The following RBM20 variants were observed in gnomAD, a reference collection of about 807,000 sequenced individuals.
RBM20 encodes RNA-binding protein 20.
A neutral mutation model predicts 110.1 loss-of-function variants in RBM20; 51 were observed. That is an observed-to-expected ratio of 0.46 (90% CI 0.37 to 0.59). The LOEUF is 0.59. RBM20 is among the 20% of genes least tolerant of loss of function. RBM20 has a pLI of 0.00. For synonymous variants in RBM20, 589 were observed against 618.2 expected, an observed-to-expected ratio of 0.95 and a Z score of 0.70; for missense variants, 1,512 against 1,574.9, an observed-to-expected ratio of 0.96 and a Z score of 0.68.
chr10:110,730,920 C>G (rs775509298), intron 1 of RBM20, among the ~76,000 whole-genome samples: 6 of 152,226 alleles, frequency 3.9e-5, no homozygotes, highest in Non-Finnish European at 5.9e-5. Flanking sequence ...AGCCGCCCCC[C>G]ATCCTGCTTA....
chr10:110,820,093 G>A lies in RBM20; in HGVS notation c.2572G>A (p.Gly858Ser), dbSNP rs1361625543. 3 of 1,550,648 alleles carry A rather than the reference G, an allele frequency of 1.9e-6. No homozygotes were observed. The highest frequency in any genetic ancestry group is 2.7e-5 in the African/African-American group (2 of 73,000). ...TAAGGCTGGAAAAGAGGAACAGGAGGGCATGGAAGAAAGCCCTCAATCAGT... is the reference window on the plus strand; with the variant it reads ...TAAGGCTGGAAAAGAGGAACAGGAGAGCATGGAAGAAAGCCCTCAATCAGT... ...ENEAGKEEQE[G>S]MEESPQSVGR... is the part of the protein sequence containing the mutation. Residue 858 changes from glycine to serine, a missense_variant, in exon 10 of 14, where the codon GGC becomes AGC. This residue lies in a region of RBM20 where 1,149 missense variants were observed against 1,169.4 expected (regional missense o/e 0.98). Transcript: ENST00000369519.
chr10:110,683,958 G>C (rs113928261), intron 1 of RBM20, among the ~76,000 whole-genome samples: 20 of 152,302 alleles, frequency 1.3e-4, no homozygotes, highest in African/African-American at 4.8e-4. Context: ...CTGTGACTAA[G>C]AACAGAGTTG....
Position 110,821,325 on chromosome 10 carries a change from C to T in RBM20, c.2706C>T (p.Pro902=). Residue 902 remains proline (P), a synonymous_variant, in exon 11 of 14, where the codon CCC becomes CCT. Transcript: ENST00000369519. ...AGGCAGAGGGGGAGAGCTGGTATCC[C>T]ACTAACATGGAGGAGCTGGTGACAG... ...ESEAEGESWY[P]TNMEELVTVD... 6.4e-7 allele frequency: 1 copy of T among 1,551,694 alleles called. No homozygotes were observed. The highest frequency in any genetic ancestry group is 8.7e-7 in the Non-Finnish European group (1 of 1,146,974).
At chr10:110,644,085 G>C (rs1032311500), upstream of RBM20, among the ~76,000 whole-genome samples, 41 of 152,300 alleles carry the variant, frequency 2.7e-4, no homozygotes, top group Middle Eastern at 6.8e-3. The surrounding 1 kb of genome is among the most constrained non-coding windows in gnomAD (Gnocchi z 4.3). Flanking sequence ...GCTGGGCTAC[G>C]GACCCTGAGG....
In RBM20 at chr10:110,831,194, C is replaced by T; in HGVS notation, c.3573+12C>T. On this transcript the variant is annotated intron_variant, in intron 13 of 13. Coordinates refer to ENST00000369519, the MANE Select transcript of RBM20 (RefSeq NM_001134363.3). The stretch of plus-strand genomic sequence containing the variant: ...ACAGGAACTTACAGGTAAAAATCCA[C>T]TCTCCTTGCCCAGCATGCCAGGGGC... 3.9e-6 allele frequency: 6 copies of T among 1,550,312 alleles called. No individual in the cohort carries two copies. The highest frequency in any genetic ancestry group is 5.2e-6 in the Non-Finnish European group (6 of 1,145,928).
chr10:110,737,918 C>T (rs1843688715), intron 1 of RBM20, among the ~76,000 whole-genome samples: 1 of 152,098 alleles, frequency 6.6e-6, no homozygotes, highest in South Asian at 2.1e-4. Context: ...CAGGTATACA[C>T]CTGGGGTGGA....
intron 7 of RBM20, among the ~76,000 whole-genome samples, chr10:110,803,794 T>C (rs769917211): frequency 7.8e-6 from 1 of 127,612 alleles, no homozygotes; most frequent in Non-Finnish European, 1.6e-5. Flanking sequence ...TCATCTCCAT[T>C]AAGCCTGTTG....
chr10:110,723,167 G>A (rs935060204), intron 1 of RBM20, among the ~76,000 whole-genome samples: 3 of 151,440 alleles, frequency 2.0e-5, no homozygotes, highest in Admixed American at 2.0e-4. Flanking sequence ...GGTGGGTACT[G>A]TTTTGTTAAT....
chr10:110,679,506 C>T (rs1383952834), intron 1 of RBM20, among the ~76,000 whole-genome samples: 1 of 152,216 alleles, frequency 6.6e-6, no homozygotes, highest in Non-Finnish European at 1.5e-5. Flanking sequence ...GAGGCATGAG[C>T]CACCGTGCCC....
At position 110,752,982 on chromosome 10, in the gene RBM20, A is replaced by T. The variant is rs373296911; in HGVS notation, c.192-27819A>T. 3.7e-5 allele frequency among the ~76,000 whole-genome samples: 5 copies of T among 136,620 alleles called. No individual in the cohort carries two copies. The East Asian group carries it at 8.0e-4, about 22-fold the overall frequency. The allele number at this position is 136,620 out of a possible 152,430, so 89.6% of individuals were successfully genotyped here. ...TTTATGAAGTCTCCCTCTGTTGCCC[A>T]GGCTGGAGTGCAGCAGTGAGATCTC... On this transcript the variant is annotated intron_variant, in intron 1 of 13. Transcript: ENST00000369519.
intron 12 of RBM20, 78 bp from the exon 13 acceptor site, chr10:110,830,983 C>T (rs1340680054): frequency 7.0e-7 from 1 of 1,419,222 alleles, no homozygotes; most frequent in Non-Finnish European, 9.5e-7. Flanking sequence ...CCCATTTCTA[C>T]CTGATGGCTG....
chr10:110,801,430 A>G (rs1743024620), intron 7 of RBM20, among the ~76,000 whole-genome samples: 1 of 134,706 alleles, frequency 7.4e-6, no homozygotes, highest in African/African-American at 2.6e-5. Flanking sequence ...TCCGTCTCAA[A>G]AAAAAAAAAA....
At chr10:110,775,585 C>T (rs893961378) in intron 1 of RBM20, among the ~76,000 whole-genome samples, 2 of 152,212 alleles carry the variant, frequency 1.3e-5, no homozygotes, top group African/African-American at 4.8e-5. Context: ...CCCATGCCTG[C>T]TGCCTCCTCT....
chr10:110,785,294 T>C (rs901249356), intron 5 of RBM20, among the ~76,000 whole-genome samples: 2 of 152,162 alleles, frequency 1.3e-5, no homozygotes, highest in African/African-American at 4.8e-5. Flanking sequence ...CTGGTACCCT[T>C]CAATTTTCCA....
At chr10:110,650,006 C>T (rs751018890) in intron 1 of RBM20, among the ~76,000 whole-genome samples, 10 of 152,132 alleles carry the variant, frequency 6.6e-5, no homozygotes, top group Non-Finnish European at 1.2e-4. Context: ...TGTTGGTGAG[C>T]TGATAGTTTG....
intron 9 of RBM20, among the ~76,000 whole-genome samples, chr10:110,818,015 C>T (rs1053905921): frequency 1.3e-5 from 2 of 152,072 alleles, no homozygotes; most frequent in African/African-American, 2.4e-5. Flanking sequence ...CACAGTGGCT[C>T]ACGCCTGTAA....
chr10:110,669,506 A>C (rs1862229577), intron 1 of RBM20, among the ~76,000 whole-genome samples: 2 of 152,366 alleles, frequency 1.3e-5, no homozygotes, highest in South Asian at 4.1e-4. Context: ...GCCTTTCAAC[A>C]AAACTTTGGA....
chr10:110,829,601 G>A (rs1000275358), intron 12 of RBM20, among the ~76,000 whole-genome samples: 1 of 152,166 alleles, frequency 6.6e-6, no homozygotes, highest in Non-Finnish European at 1.5e-5. Flanking sequence ...ACACTGATAA[G>A]TGGCTATTTT....
At chr10:110,687,473 C>T (rs1419707937) in intron 1 of RBM20, among the ~76,000 whole-genome samples, 1 of 152,192 alleles carries the variant, frequency 6.6e-6, no homozygotes, top group Non-Finnish European at 1.5e-5. Context: ...ACATCTGATC[C>T]AGACATCAGT....
Sources: allele counts gnomAD v4.1 joint callset (sites outside exome capture counted in the v4.1 genomes callset), GRCh38; gene constraint gnomAD v4.1.1; regional missense constraint gnomAD v4.1.1; non-coding constraint Gnocchi (gnomAD v3.1); transcripts MANE v1.5; gene names NCBI Gene and HGNC (gene_info 2026-07-23, HGNC 2026-07-21).